The following ASAP1 variants were observed in gnomAD, a reference collection of about 807,000 sequenced individuals.
ASAP1 encodes arf-GAP with SH3 domain, ANK repeat and PH domain-containing protein 1.
Under a neutral mutation model 145.2 loss-of-function variants are expected in ASAP1, and 43 were observed. The observed-to-expected ratio is 0.30, with a 90% CI of 0.23 to 0.38. The LOEUF is 0.38. Ranked by LOEUF, ASAP1 falls within the 10% of genes least tolerant of loss-of-function variation. ASAP1 has a pLI of 1.00. For missense variants in ASAP1, 1,018 were observed against 1,355.3 expected (o/e 0.75, Z 3.91); for synonymous variants, 546 against 515.5 (o/e 1.06, Z -0.80).
chr8:130,341,752 A>G (rs1586865520), intron 3 of ASAP1, among the ~76,000 whole-genome samples: 1 of 152,324 alleles, frequency 6.6e-6, no homozygotes, highest in Non-Finnish European at 1.5e-5. Context: ...TCAGTCACCA[A>G]TGGTTCACGA....
intron 5 of ASAP1, among the ~76,000 whole-genome samples, chr8:130,207,862 T>C (rs1466230564): frequency 6.6e-6 from 1 of 152,146 alleles, no homozygotes; most frequent in East Asian, 1.9e-4. Context: ...CAACCACATA[T>C]AGGACTTCAA....
chr8:130,138,452 A>G (rs2097600590), intron 13 of ASAP1, among the ~76,000 whole-genome samples: 1 of 152,176 alleles, frequency 6.6e-6, no homozygotes, highest in South Asian at 2.1e-4. Flanking sequence ...CAAAGAGGAA[A>G]CAGTGCTTGG....
rs148233622 is a variant in ASAP1 at position 130,437,941 on chromosome 8, C to T, written c.-28+5519G>A. On this transcript the variant is annotated intron_variant, in intron 1 of 29. Coordinates refer to ENST00000518721, the MANE Select transcript of ASAP1 (RefSeq NM_018482.4). Reference sequence around the variant, plus strand: ...TTGTTTTCCTAACTCTGTGCACCTTCGCACTTCCTGACTTAGGGCAGTGAA... The same window carrying T: ...TTGTTTTCCTAACTCTGTGCACCTTTGCACTTCCTGACTTAGGGCAGTGAA... 1.7e-4 allele frequency among the ~76,000 whole-genome samples: 26 copies of T among 152,332 alleles called. No homozygotes were observed. The South Asian group carries it at 2.1e-3, about 12-fold the overall frequency.
intron 27 of ASAP1, among the ~76,000 whole-genome samples, chr8:130,064,430 A>C (rs924647254): frequency 1.3e-5 from 2 of 152,156 alleles, no homozygotes; most frequent in African/African-American, 4.8e-5. Context: ...ACTGCCTTTA[A>C]CAGACGGGGA....
intron 9 of ASAP1, among the ~76,000 whole-genome samples, chr8:130,171,270 CTATACCTGTGTAGTAGTACG>C (rs910272638): frequency 1.1e-4 from 17 of 152,294 alleles, no homozygotes; most frequent in African/African-American, 4.1e-4. Context: ...CCCTTCCCCT[CTATACCTGTGTAGTAGTACG>C]TTCCCATGTT....
intron 27 of ASAP1, among the ~76,000 whole-genome samples, chr8:130,075,179 C>G (rs1373431897): frequency 6.6e-6 from 1 of 152,174 alleles, no homozygotes; most frequent in African/African-American, 2.4e-5. Flanking sequence ...GTTTCAAACT[C>G]TTCTGAGATC....
chr8:130,076,384 G>A lies in ASAP1; in HGVS notation c.2665C>T (p.Leu889Phe). ...QSSTSSAKTA[L>F]GPRVLPKLPQ... ...AGTTTAGGAAGAACTCTTGGGCCAAGGGCAGTCTTTGCAGAACTGGTGCTA... is the reference window on the plus strand; with the variant it reads ...AGTTTAGGAAGAACTCTTGGGCCAAAGGCAGTCTTTGCAGAACTGGTGCTA... The change falls in exon 27 of 30, where the codon CTT becomes TTT. Residue 889 changes from leucine to phenylalanine, a missense_variant. Transcript: ENST00000518721. 1 of 1,612,166 alleles carries A rather than the reference G, an allele frequency of 6.2e-7. No homozygotes were observed. The highest frequency in any genetic ancestry group is 8.5e-7 in the Non-Finnish European group (1 of 1,179,328).
chr8:130,369,426 T>G lies in ASAP1; in HGVS notation c.60-11283A>C, dbSNP rs1442127646. On this transcript the variant is annotated intron_variant, in intron 2 of 29. Transcript: ENST00000518721. ...TGTTGGCATTCAAAAAGTTTTGGAT[T>G]TGGGAGAATTTCACATTTGGGATTT... Among the ~76,000 whole-genome samples the G allele has an allele frequency of 2.0e-5, 3 of 152,234 alleles. No individual in the cohort carries two copies. The East Asian group carries it at 5.8e-4, about 29-fold the overall frequency.
intron 3 of ASAP1, among the ~76,000 whole-genome samples, chr8:130,343,533 G>A (rs963873725): frequency 2.0e-5 from 3 of 152,204 alleles, no homozygotes; most frequent in Admixed American, 2.0e-4. Context: ...CACTTTCCTA[G>A]GCTGCCCAGG....
At chr8:130,243,512 C>T (rs1193816871) in intron 3 of ASAP1, among the ~76,000 whole-genome samples, 1 of 152,108 alleles carries the variant, frequency 6.6e-6, no homozygotes, top group Non-Finnish European at 1.5e-5. Flanking sequence ...AAAACTAAGT[C>T]CTCGCTACTG....
intron 12 of ASAP1, among the ~76,000 whole-genome samples, chr8:130,153,098 C>T (rs2097649990): frequency 6.6e-6 from 1 of 151,556 alleles, no homozygotes; most frequent in Non-Finnish European, 1.5e-5. Flanking sequence ...CGGCTCACTG[C>T]AACCTCCATC....
intron 5 of ASAP1, among the ~76,000 whole-genome samples, chr8:130,193,615 C>G (rs901138178): frequency 6.6e-6 from 1 of 151,942 alleles, no homozygotes; most frequent in Non-Finnish European, 1.5e-5. Flanking sequence ...ATAAATAACC[C>G]CTTTTCAACT....
At chr8:130,295,480 T>C (rs1293608127) in intron 3 of ASAP1, among the ~76,000 whole-genome samples, 1 of 152,188 alleles carries the variant, frequency 6.6e-6, no homozygotes, top group Non-Finnish European at 1.5e-5. Flanking sequence ...AATCCTTCAC[T>C]TCACTTTCCA....
intron 12 of ASAP1, among the ~76,000 whole-genome samples, chr8:130,153,337 A>ATATATATATATATATATATATATATATG (rs1565024389): frequency 1.8e-5 from 1 of 56,906 alleles, no homozygotes; most frequent in African/African-American, 6.2e-5. Context: ...TTTTAAATAT[A>ATATATATATATATATATATATATATATG]TATATATATA....
chr8:130,381,099 T>C (rs372141914), intron 2 of ASAP1, among the ~76,000 whole-genome samples: 70 of 152,300 alleles, frequency 4.6e-4, no homozygotes, highest in African/African-American at 1.5e-3. Flanking sequence ...TCGTCCAGGC[T>C]GGTCTTGAAC....
At chr8:130,231,368 A>G (rs1817899691) in intron 4 of ASAP1, among the ~76,000 whole-genome samples, 1 of 152,214 alleles carries the variant, frequency 6.6e-6, no homozygotes, top group African/African-American at 2.4e-5. Context: ...ATATGCTGGT[A>G]ATAAAATTAT....
intron 3 of ASAP1, among the ~76,000 whole-genome samples, chr8:130,259,878 T>G (rs17212137): frequency 0.42 from 64,105 of 152,066 alleles, 13,845 homozygotes; most frequent in East Asian, 0.66. Flanking sequence ...TGAGGATAAA[T>G]AAATACTAAG....
intron 1 of ASAP1, among the ~76,000 whole-genome samples, chr8:130,426,691 A>T (rs1270256214): frequency 6.6e-6 from 1 of 152,122 alleles, no homozygotes; most frequent in Non-Finnish European, 1.5e-5. Flanking sequence ...GTTTCTCCCC[A>T]AACTGCCGTG....
chr8:130,256,416 G>A (rs553933467), intron 3 of ASAP1, among the ~76,000 whole-genome samples: 64 of 150,406 alleles, frequency 4.3e-4, no homozygotes, highest in Admixed American at 1.1e-3. Flanking sequence ...GGTGGGGGGC[G>A]GTGGGGGAAC....
Sources: allele counts gnomAD v4.1 joint callset (sites outside exome capture counted in the v4.1 genomes callset), GRCh38; gene constraint gnomAD v4.1.1; transcripts MANE v1.5; gene names NCBI Gene and HGNC (gene_info 2026-07-23, HGNC 2026-07-21).